The following SLC38A2 variants were observed in gnomAD, a reference collection of about 807,000 sequenced individuals.
The protein encoded by SLC38A2 is solute carrier family 38 member 2.
SLC38A2 carries 11 observed loss-of-function variants against 61.5 expected under a neutral mutation model. The observed-to-expected ratio is 0.18, with a 90% confidence interval of 0.11 to 0.30. SLC38A2 has a LOEUF of 0.30. Among genes scored for constraint, SLC38A2 ranks in the 10% least tolerant of loss-of-function variants. SLC38A2 has a pLI of 1.00. For synonymous variants in SLC38A2, 217 were observed against 212.5 expected, an observed-to-expected ratio of 1.02 and a Z score of -0.18; for missense variants, 522 against 600.4, an observed-to-expected ratio of 0.87 and a Z score of 1.36.
rs1353782056 is a variant in SLC38A2 at position 46,361,017 on chromosome 12, A to G, written c.*94T>C. On this transcript the variant is annotated 3_prime_UTR_variant, in exon 16 of 16. Coordinates refer to ENST00000256689, the MANE Select transcript of SLC38A2 (RefSeq NM_018976.5). ...GCGAGGAATCTGCACTTCAAAAGGA[A>G]GTGAAACTGAAAACATTAGGTGAAA... The G allele has an allele frequency of 6.5e-6, 6 of 916,628 alleles. No homozygotes were observed. Among genetic ancestry groups the G allele is most frequent in the African/African-American group, 3.3e-5 (2 of 60,036 alleles). The allele number at this position is 916,628 out of a possible 1,614,324, so 56.8% of individuals were successfully genotyped here. A position where few individuals can be genotyped will look rare whatever the true frequency, so the allele number is the denominator to read the frequency against.
In SLC38A2 at chr12:46,359,089, C is replaced by CAAAAAAAAAAAAAAAAAAAAA. The variant is rs5797976; in HGVS notation, c.*2021_*2022insTTTTTTTTTTTTTTTTTTTTT. The CAAAAAAAAAAAAAAAAAAAAA allele has an allele frequency of 7.2e-6, 1 of 138,542 alleles. No individual in the cohort carries two copies. The allele number at this position is 138,542 out of a possible 1,614,324, so 8.6% of individuals were successfully genotyped here. On this transcript the variant is annotated 3_prime_UTR_variant, in exon 16 of 16. Transcript: ENST00000256689. The stretch of plus-strand genomic sequence containing the variant: ...GGTTGCCACAGTATCTTCTCCCATA[C>CAAAAAAAAAAAAAAAAAAAAA]AAAAAAAAAAAAAAAAGTCTGTAGA...
chr12:46,367,422 C>G (rs1943150591), intron 4 of SLC38A2, 82 bp from the exon 5 acceptor site: 5 of 805,800 alleles, frequency 6.2e-6, no homozygotes, highest in South Asian at 6.1e-5. Context: ...GTTTAAATAA[C>G]ATTATGTGTG....
At chr12:46,364,790 G>C (rs1239621695) in intron 8 of SLC38A2, 88 bp from the exon 9 acceptor site, 13 of 1,331,236 alleles carry the variant, frequency 9.8e-6, no homozygotes, top group Non-Finnish European at 2.1e-6. Context: ...ACTCAATTCT[G>C]CTGGGAAGAC....
chr12:46,372,614 G>C lies in SLC38A2; in HGVS notation c.-192C>G, dbSNP rs1237905825. The C allele has an allele frequency of 2.5e-6, 1 of 398,424 alleles. No individual in the cohort carries two copies. The highest frequency in any genetic ancestry group is 4.4e-6 in the Non-Finnish European group (1 of 225,898). 24.7% of individuals were successfully genotyped at this position (398,424 alleles called of 1,614,324 possible). ...ATTTCCCCAAATCCAACAACAGGCAGGAAAAATAATTTTAATAAAAAAGGA... is the reference window on the plus strand; with the variant it reads ...ATTTCCCCAAATCCAACAACAGGCACGAAAAATAATTTTAATAAAAAAGGA... On this transcript the variant is annotated 5_prime_UTR_variant, in exon 1 of 16. Coordinates refer to ENST00000256689, the MANE Select transcript of SLC38A2 (RefSeq NM_018976.5).
rs143271873 is a variant in SLC38A2, at chr12:46,362,513, C to T, written c.1305G>A (p.Arg435=). The T allele has an allele frequency of 1.9e-5, 30 of 1,597,768 alleles. 2 individuals are homozygous for T. The South Asian group carries it at 2.8e-4, about 15-fold the overall frequency. ...ACTTACCAATAAAACCAAAGATATC[C>T]CTAATAGTTGGGACAAAGATGACAA... ...NLLVIFVPTI[R]DIFGFIGASA... Residue 435 remains arginine (R), a synonymous_variant, in exon 14 of 16, where the codon AGG becomes AGA. Transcript: ENST00000256689.
At chr12:46,361,340 C>T (rs756297031) in intron 15 of SLC38A2, 131 bp from the exon 16 acceptor site, 4 of 733,658 alleles carry the variant, frequency 5.5e-6, no homozygotes, top group South Asian at 1.7e-5. Context: ...GAATATTTAA[C>T]TTGCTAAATA....
chr12:46,366,988 G>A (rs767996509), intron 6 of SLC38A2, 43 bp from the exon 7 acceptor site: 14 of 1,606,236 alleles, frequency 8.7e-6, no homozygotes, highest in Non-Finnish European at 8.5e-7. Context: ...GCAAAACGCG[G>A]CACGTGACAC....
At chr12:46,365,902 C>T (rs149959567) in intron 7 of SLC38A2, among the ~76,000 whole-genome samples, 27 of 152,252 alleles carry the variant, frequency 1.8e-4, no homozygotes, top group African/African-American at 6.3e-4. Context: ...TTCTAAATCA[C>T]TATTTTCAAA....
rs1943049698 is a variant in SLC38A2, at chr12:46,358,783, T to TA, written c.*2327dup. The TA allele has an allele frequency of 1.3e-5, 2 of 152,672 alleles. No homozygotes were observed. Among genetic ancestry groups the TA allele is most frequent in the Non-Finnish European group, 2.9e-5 (2 of 68,046 alleles). The allele number at this position is 152,672 out of a possible 1,614,324, so 9.5% of individuals were successfully genotyped here. A position where few individuals can be genotyped will look rare whatever the true frequency, so the allele number is the denominator to read the frequency against. On this transcript the variant is annotated 3_prime_UTR_variant, in exon 16 of 16. Transcript: ENST00000256689. The stretch of plus-strand genomic sequence containing the variant: ...GAAAAATAGGTTAGCTTTAATGGAT[T>TA]AATGTTGTTCTATAAATAACATTAC...
chr12:46,371,632 C>T (rs965195541), intron 1 of SLC38A2: 10 of 295,868 alleles, frequency 3.4e-5, no homozygotes, highest in South Asian at 3.3e-4. Flanking sequence ...CAGTATTTCA[C>T]CCTCTCTATT....
intron 1 of SLC38A2, 133 bp from the exon 2 acceptor site, chr12:46,371,512 G>C: frequency 1.9e-6 from 1 of 518,822 alleles, no homozygotes; most frequent in Non-Finnish European, 3.4e-6. Flanking sequence ...CGCGCGAGGG[G>C]CGGGGGCGCG....
rs778963434 is a variant in SLC38A2, at chr12:46,367,032, A to G, written c.481+44T>C. 13 of 1,601,206 alleles carry G rather than the reference A, an allele frequency of 8.1e-6. No individual in the cohort carries two copies. The East Asian group carries it at 1.3e-4, about 16-fold the overall frequency. ...ATGTGTCACCATTCTGTGCTCCACA[A>G]TGAGCATAAAGTCTACCCAAATAAT... On this transcript the variant is annotated intron_variant, in intron 6 of 15. Transcript: ENST00000256689.
At position 46,364,287 on chromosome 12, in the gene SLC38A2, T is replaced by C. The variant is rs1943114869; in HGVS notation, c.873+102A>G. 1.0e-5 allele frequency: 13 copies of C among 1,243,118 alleles called. No homozygotes were observed. In the South Asian group the frequency reaches 1.9e-4, roughly 18 times the overall value. 77.0% of individuals were successfully genotyped at this position (1,243,118 alleles called of 1,614,324 possible). ...AATAATTAGCTAATCACATGTTTTC[T>C]ATAAAGCACCTATTATCCTCCTCCC... On this transcript the variant is annotated intron_variant, in intron 10 of 15. Coordinates refer to ENST00000256689, the MANE Select transcript of SLC38A2 (RefSeq NM_018976.5).
chr12:46,364,079 A>G, intron 10 of SLC38A2, 76 bp from the exon 11 acceptor site: 1 of 1,261,952 alleles, frequency 7.9e-7, no homozygotes, highest in African/African-American at 1.5e-5. Flanking sequence ...CATATATTTT[A>G]TGTAAACAAT....
rs552011374 is a variant in SLC38A2, at chr12:46,367,102, C to G, written c.455G>C (p.Gly152Ala). Reference protein sequence around the residue: ...FGLVGKLAASGSITMQNIGAM... With the variant: ...FGLVGKLAASASITMQNIGAM... ...TCCAATGTTCTGCATTGTAATTGAT[C>G]CAGATGCTGCAAGCTTTCCAACTAA... The change falls in exon 6 of 16, where the codon GGA (glycine) becomes GCA (alanine). Residue 152 changes from glycine (G) to alanine (A), a missense_variant. Physicochemically the swap from Gly to Ala is moderately conservative, Grantham distance 60. This residue lies in a region of SLC38A2 where 111 missense variants were observed against 173.4 expected (regional missense o/e 0.64). Coordinates refer to ENST00000256689, the MANE Select transcript of SLC38A2 (RefSeq NM_018976.5). The G allele has an allele frequency of 1.9e-6, 3 of 1,614,056 alleles. No individual in the cohort carries two copies. The South Asian group carries it at 3.3e-5, about 18-fold the overall frequency.
Position 46,360,875 on chromosome 12 carries a change from C to A in SLC38A2, c.*236G>T. 2.2e-6 allele frequency: 1 copy of A among 464,616 alleles called. No individual in the cohort carries two copies. The highest frequency in any genetic ancestry group is 3.8e-6 in the Non-Finnish European group (1 of 263,332). 28.8% of individuals were successfully genotyped at this position (464,616 alleles called of 1,614,324 possible). A position where few individuals can be genotyped will look rare whatever the true frequency, so the allele number is the denominator to read the frequency against. On this transcript the variant is annotated 3_prime_UTR_variant, in exon 16 of 16. Coordinates refer to ENST00000256689, the MANE Select transcript of SLC38A2 (RefSeq NM_018976.5). ...CTGGAATGGAATAAAATTGTCACTT[C>A]CCTTAACCCGAGACTCGTGGTTTTG...
At chr12:46,367,039 T>G (rs745610426) in intron 6 of SLC38A2, 37 bp downstream of exon 6, 1 of 1,606,612 alleles carries the variant, frequency 6.2e-7, no homozygotes, top group Non-Finnish European at 8.5e-7. Flanking sequence ...ACAATGAGCA[T>G]AAAGTCTACC....
At position 46,364,416 on chromosome 12, in the gene SLC38A2, T is replaced by G. The variant is rs1302743245; in HGVS notation, c.846A>C (p.Arg282Ser). The change falls in exon 10 of 16, where the codon AGA (arginine) becomes AGC (serine). Residue 282 changes from arginine to serine, a missense_variant. Transcript: ENST00000256689. ...GTGAGTTGAAAATAAAATAGTGAGG[T>G]CTGCAAGAGTCATTTTCAGTCACGT... ...SHNVTENDSC[R>S]PHYFIFNSQT... The G allele has an allele frequency of 6.3e-7, 1 of 1,596,592 alleles. No individual in the cohort carries two copies. The highest frequency in any genetic ancestry group is 1.1e-5 in the South Asian group (1 of 87,422).
At chr12:46,367,423 A>T (rs978310377) in intron 4 of SLC38A2, 83 bp from the exon 5 acceptor site, 4 of 799,798 alleles carry the variant, frequency 5.0e-6, no homozygotes, top group Admixed American at 4.1e-5. Context: ...TTTAAATAAC[A>T]TTATGTGTGC....
Sources: gnomAD v4.1 joint callset for allele counts (sites outside exome capture counted in the v4.1 genomes callset) on GRCh38, gnomAD v4.1.1 for gene constraint, gnomAD v4.1.1 regional missense constraint, MANE v1.5 for transcripts, NCBI Gene and HGNC (gene_info 2026-07-23, HGNC 2026-07-21) for gene names.